Variants in USP34 observed in about 807,000 individuals in gnomAD.
USP34 encodes the protein ubiquitin specific peptidase 34, also known as ubiquitin carboxyl-terminal hydrolase 34.
Under a neutral mutation model 460.3 loss-of-function variants are expected in USP34, and 70 were observed. The ratio of observed to expected loss-of-function variants is 0.15; its 90% CI spans 0.13 to 0.19. USP34 has a LOEUF of 0.19. USP34 is among the 10% of genes least tolerant of loss of function. The pLI, the probability that USP34 is intolerant of heterozygous loss-of-function variation, is 1.00. For missense variants in USP34, 3,985 were observed against 4,236.2 expected (o/e 0.94, Z 1.65); for synonymous variants, 1,647 against 1,405.3 (o/e 1.17, Z -3.85).
At chr2:61,301,194 C>T in intron 28 of USP34, 34 bp from the exon 29 acceptor site, 1 of 1,568,620 alleles carries the variant, frequency 6.4e-7, no homozygotes. Context: ...TTATGCATAT[C>T]AAGCTTTTAG....
intron 34 of USP34, among the ~76,000 whole-genome samples, chr2:61,288,063 G>A (rs553681439): frequency 9.2e-5 from 14 of 152,286 alleles, no homozygotes; most frequent in South Asian, 2.1e-4. Flanking sequence ...TATTTACCTA[G>A]AAGACAGAGT....
rs748536620 is a variant in USP34 at position 61,236,047 on chromosome 2, T to C, written c.6945A>G (p.Thr2315=). ...ATACCTTTTCTTTAGAATGAATAAA[T>C]GTCTCTAGGACAAAGGAAGTGCTTA... is the stretch of plus-strand genomic sequence containing the variant. ...AKLSTSFVLE[T]FIHSKEKPTM... The change falls in exon 56 of 80, where the codon ACA becomes ACG. Residue 2315 remains threonine (T), a synonymous_variant. Transcript: ENST00000398571. 1.2e-6 allele frequency: 2 copies of C among 1,606,956 alleles called. No individual in the cohort carries two copies. Among genetic ancestry groups the C allele is most frequent in the East Asian group, 2.2e-5 (1 of 44,764 alleles).
intron 43 of USP34, among the ~76,000 whole-genome samples, chr2:61,262,130 TATAGATAGATAG>T (rs59881307): frequency 3.5e-5 from 4 of 113,710 alleles, no homozygotes; most frequent in African/African-American, 1.4e-4. Flanking sequence ...TATATATATA[TATAGATAGATAG>T]ATAGATAGAT....
At chr2:61,420,871 C>T (rs768866201) in intron 1 of USP34, 38 bp from the exon 2 acceptor site, 1 of 1,488,168 alleles carries the variant, frequency 6.7e-7, no homozygotes, top group East Asian at 2.3e-5. Context: ...ATGAATAATG[C>T]TAAACCAGTA....
intron 41 of USP34, among the ~76,000 whole-genome samples, chr2:61,270,279 C>T (rs1416539194): frequency 1.3e-5 from 2 of 152,034 alleles, no homozygotes; most frequent in African/African-American, 4.8e-5. Flanking sequence ...AGGTGCCATC[C>T]GTGAATCAAA....
In USP34 at chr2:61,293,525, T is replaced by C; in HGVS notation, c.4487A>G (p.Gln1496Arg). 6.2e-7 allele frequency: 1 copy of C among 1,612,828 alleles called. No individual in the cohort carries two copies. Among genetic ancestry groups the C allele is most frequent in the African/African-American group, 1.3e-5 (1 of 75,016 alleles). The part of the protein sequence containing the change: ...CKFVAAGGLQ[Q>R]LLEIFNSGIL... ...TCCAGAATTAAAAATTTCTAATAAC[T>C]GTTGAAGCCCTCCAGCAGCAACAAA... The change falls in exon 33 of 80, where the codon CAG (glutamine) becomes CGG (arginine). Residue 1496 changes from glutamine to arginine, a missense_variant. By Grantham distance (43) the Gln-to-Arg change is conservative. Coordinates refer to ENST00000398571, the MANE Select transcript of USP34 (RefSeq NM_014709.4).
intron 2 of USP34, chr2:61,416,821 T>TTGGGGGG (rs770675371): frequency 1.4e-5 from 3 of 219,588 alleles, no homozygotes; most frequent in Non-Finnish European, 1.6e-5. Flanking sequence ...TTTTTTTTTT[T>TTGGGGGG]GGGGGGGGGG....
rs1253468051 is a variant in USP34, at chr2:61,380,321, C to T, written c.862G>A (p.Ala288Thr). ...KLSDQELRQS[A>T]ARNMADLMWS... ...ATTAAGTCAGCCATGTTACGAGCTG[C>T]ACTCTGTCGTAACTCCTGATCCGAG... The change falls in exon 7 of 80, where the codon GCA becomes ACA. Residue 288 changes from alanine (A) to threonine (T), a missense_variant. Transcript: ENST00000398571. 2 of 1,613,898 alleles carry T rather than the reference C, an allele frequency of 1.2e-6. No homozygotes were observed. The highest frequency in any genetic ancestry group is 8.5e-7 in the Non-Finnish European group (1 of 1,179,848).
chr2:61,453,436 G>A (rs1695342888), intron 1 of USP34, among the ~76,000 whole-genome samples: 1 of 151,148 alleles, frequency 6.6e-6, no homozygotes, highest in Admixed American at 6.6e-5. Flanking sequence ...CAAGCCAGGT[G>A]CAGTGGCTTG....
At chr2:61,464,034 A>G (rs571999398) in intron 1 of USP34, among the ~76,000 whole-genome samples, 1 of 152,302 alleles carries the variant, frequency 6.6e-6, no homozygotes, top group South Asian at 2.1e-4. Context: ...TACCCAACAC[A>G]AACTATTCAA....
chr2:61,287,721 T>C (rs921763346), intron 34 of USP34, among the ~76,000 whole-genome samples: 2 of 152,224 alleles, frequency 1.3e-5, no homozygotes, highest in African/African-American at 4.8e-5. Context: ...AGTATTAACA[T>C]ACAAAATATG....
chr2:61,335,687 T>C (rs992005171), intron 18 of USP34, among the ~76,000 whole-genome samples: 3 of 152,128 alleles, frequency 2.0e-5, no homozygotes, highest in African/African-American at 4.8e-5. Flanking sequence ...AGGCGGAGGT[T>C]ACAGTGAGCT....
intron 8 of USP34, among the ~76,000 whole-genome samples, chr2:61,371,468 C>T (rs1482242663): frequency 7.1e-6 from 1 of 141,220 alleles, no homozygotes; most frequent in East Asian, 2.1e-4. Flanking sequence ...GGAAAGAAAA[C>T]AGCTCACAGA....
intron 1 of USP34, among the ~76,000 whole-genome samples, chr2:61,442,190 A>G (rs1573045958): frequency 6.6e-6 from 1 of 152,196 alleles, no homozygotes; most frequent in Non-Finnish European, 1.5e-5. Flanking sequence ...GCTTCAGGAC[A>G]TCGGTCTGGG....
At chr2:61,379,663 C>G (rs1478148160) in intron 7 of USP34, among the ~76,000 whole-genome samples, 2 of 152,202 alleles carry the variant, frequency 1.3e-5, no homozygotes, top group African/African-American at 2.4e-5. Flanking sequence ...TGCAAGAATA[C>G]AGACCCAAGA....
chr2:61,337,399 C>CTT (rs11306660), intron 18 of USP34, among the ~76,000 whole-genome samples: 11 of 149,338 alleles, frequency 7.4e-5, no homozygotes, highest in South Asian at 2.1e-4. Context: ...ATCCTTTCTA[C>CTT]TTTTTTTTTT....
chr2:61,466,120 G>C (rs188463047), intron 1 of USP34, among the ~76,000 whole-genome samples: 2 of 151,984 alleles, frequency 1.3e-5, no homozygotes, highest in South Asian at 4.1e-4. Context: ...GAATGACTAC[G>C]GTTAACAATA....
intron 48 of USP34, among the ~76,000 whole-genome samples, chr2:61,256,029 G>A (rs926667673): frequency 7.9e-5 from 12 of 152,172 alleles, no homozygotes; most frequent in African/African-American, 2.4e-4. Flanking sequence ...AACATTTCCC[G>A]AGGATAAGGG....
chr2:61,444,190 G>A (rs918617924), intron 1 of USP34, among the ~76,000 whole-genome samples: 5 of 152,084 alleles, frequency 3.3e-5, no homozygotes, highest in African/African-American at 9.7e-5. Context: ...AGAAGGTCAA[G>A]GTGACAAGAT....
Sources: gnomAD v4.1 joint callset for allele counts (sites outside exome capture counted in the v4.1 genomes callset) on GRCh38, gnomAD v4.1.1 for gene constraint, MANE v1.5 for transcripts, NCBI Gene and HGNC (gene_info 2026-07-23, HGNC 2026-07-21) for gene names.